Variants in PTDSS1 observed in about 807,000 individuals in gnomAD.
PTDSS1 encodes phosphatidylserine synthase 1, also known as PSS-1.
A neutral mutation model predicts 70.5 loss-of-function variants in PTDSS1; 45 were observed. The ratio of observed to expected loss-of-function variants is 0.64; its 90% CI spans 0.50 to 0.82. The LOEUF is 0.82. Among genes scored for constraint, PTDSS1 ranks in the 40% least tolerant of loss-of-function variants. The pLI, the probability that PTDSS1 is intolerant of heterozygous loss-of-function variation, is 0.00. For synonymous variants in PTDSS1, 188 were observed against 203.8 expected (o/e 0.92, Z 0.66); for missense variants, 417 against 586.1 (o/e 0.71, Z 2.98).
At chr8:96,276,652 A>G (rs990467124) in intron 2 of PTDSS1, among the ~76,000 whole-genome samples, 7 of 152,104 alleles carry the variant, frequency 4.6e-5, no homozygotes, top group African/African-American at 1.4e-4. Flanking sequence ...GTCATATCTC[A>G]TATTAGGTCC....
chr8:96,270,904 CTAATA>C (rs1442941473), intron 1 of PTDSS1, among the ~76,000 whole-genome samples: 1 of 152,142 alleles, frequency 6.6e-6, no homozygotes, highest in Non-Finnish European at 1.5e-5. Context: ...GTTTTACAAC[CTAATA>C]TATTACCCAT....
intron 7 of PTDSS1, 79 bp downstream of exon 7, chr8:96,304,260 T>A: frequency 1.4e-6 from 2 of 1,441,574 alleles, no homozygotes; most frequent in Non-Finnish European, 1.9e-6. Flanking sequence ...GAGTTAACAT[T>A]AGTTTACATT....
intron 1 of PTDSS1, among the ~76,000 whole-genome samples, chr8:96,269,556 A>G (rs1276765262): frequency 2.0e-5 from 3 of 152,184 alleles, no homozygotes; most frequent in Admixed American, 2.0e-4. Flanking sequence ...AGGAAGAGTC[A>G]AGATGAGGAT....
intron 9 of PTDSS1, among the ~76,000 whole-genome samples, chr8:96,319,161 G>C (rs1455353546): frequency 6.6e-6 from 1 of 151,794 alleles, no homozygotes; most frequent in Non-Finnish European, 1.5e-5. Context: ...TGATCCGCTC[G>C]CCTCAGCCTC....
At chr8:96,289,647 A>G (rs1586191498) in intron 4 of PTDSS1, among the ~76,000 whole-genome samples, 1 of 152,264 alleles carries the variant, frequency 6.6e-6, no homozygotes, top group South Asian at 2.1e-4. Flanking sequence ...TTTTTTTCTG[A>G]AAAGGAGAAC....
At chr8:96,295,795 ATTG>A (rs1325398863) in intron 5 of PTDSS1, among the ~76,000 whole-genome samples, 1 of 152,178 alleles carries the variant, frequency 6.6e-6, no homozygotes, top group Non-Finnish European at 1.5e-5. Flanking sequence ...CTAACTCATT[ATTG>A]TTCTATTATT....
chr8:96,296,115 T>G (rs1810971017), intron 5 of PTDSS1, among the ~76,000 whole-genome samples: 1 of 150,244 alleles, frequency 6.7e-6, no homozygotes, highest in African/African-American at 2.4e-5. Context: ...TGTGCGTGTC[T>G]GAGCCTTCAT....
At chr8:96,297,934 C>T (rs760787615) in intron 5 of PTDSS1, among the ~76,000 whole-genome samples, 37 of 152,186 alleles carry the variant, frequency 2.4e-4, no homozygotes, top group Non-Finnish European at 2.8e-4. Flanking sequence ...GAATGCAGCC[C>T]CCTCCTCCTT....
chr8:96,311,798 C>T (rs1273059895), intron 9 of PTDSS1, among the ~76,000 whole-genome samples: 2 of 152,192 alleles, frequency 1.3e-5, no homozygotes, highest in African/African-American at 4.8e-5. Flanking sequence ...ACACATCTCC[C>T]AGATTTCTGA....
chr8:96,304,284 A>G (rs1297627208), intron 7 of PTDSS1, 103 bp downstream of exon 7: 4 of 1,318,144 alleles, frequency 3.0e-6, no homozygotes, highest in South Asian at 1.5e-5. Flanking sequence ...TTTCAGCTCC[A>G]TACTTTACAA....
intron 4 of PTDSS1, among the ~76,000 whole-genome samples, chr8:96,293,873 G>T (rs1207630048): frequency 2.0e-5 from 3 of 150,302 alleles, no homozygotes; most frequent in Non-Finnish European, 4.4e-5. Flanking sequence ...ACGTGGCCCT[G>T]CTCCTTAACC....
intron 8 of PTDSS1, among the ~76,000 whole-genome samples, chr8:96,308,953 G>A (rs1248161159): frequency 6.6e-6 from 1 of 151,978 alleles, no homozygotes; most frequent in African/African-American, 2.4e-5. Flanking sequence ...AGATATAGCT[G>A]GGGTCCCATT....
chr8:96,286,958 G>T, intron 3 of PTDSS1, 64 bp from the exon 4 acceptor site: 1 of 1,591,312 alleles, frequency 6.3e-7, no homozygotes, highest in Non-Finnish European at 8.6e-7. Context: ...CGAGTCTAAT[G>T]TGTATTGTGT....
Position 96,299,737 on chromosome 8 carries a change from G to T in PTDSS1, c.644G>T (p.Trp215Leu). 6.2e-7 allele frequency: 1 copy of T among 1,614,008 alleles called. No homozygotes were observed. Residue 215 changes from tryptophan (W) to leucine (L), a missense_variant, in exon 6 of 13, where the codon TGG becomes TTG. Transcript: ENST00000517309. ...CTCCCCAATTTTGCCGAGTGCTGGTGGGATCAAGTCATTCTGGACATCCTG... is the reference window on the plus strand; with the variant it reads ...CTCCCCAATTTTGCCGAGTGCTGGTTGGATCAAGTCATTCTGGACATCCTG... ...HLLPNFAECW[W>L]DQVILDILLC...
intron 10 of PTDSS1, among the ~76,000 whole-genome samples, chr8:96,328,630 C>A (rs1811471304): frequency 6.6e-6 from 1 of 152,208 alleles, no homozygotes; most frequent in Non-Finnish European, 1.5e-5. Flanking sequence ...TTCCTGCTTC[C>A]ACGTAACTGG....
chr8:96,331,944 G>T (rs1314820386), intron 12 of PTDSS1, among the ~76,000 whole-genome samples: 2 of 146,224 alleles, frequency 1.4e-5, no homozygotes, highest in Non-Finnish European at 3.0e-5. Flanking sequence ...CAGCTAGTCA[G>T]GAGTCAGAGA....
Position 96,275,685 on chromosome 8 carries a change from C to G in PTDSS1, c.271+2295C>G, listed in dbSNP as rs114437176. Among the ~76,000 whole-genome samples the G allele has an allele frequency of 4.8e-3, 727 of 152,306 alleles. 2 individuals are homozygous for G. Among genetic ancestry groups the G allele is most frequent in the African/African-American group, 0.014 (583 of 41,558 alleles). ...TCTCAAAGCAAGGAAATGGCAAACT[C>G]TATCTCAGGTTACATACCAACGCAA... On this transcript the variant is annotated intron_variant, in intron 2 of 12. Transcript: ENST00000517309.
At chr8:96,321,638 G>A (rs544821600) in intron 10 of PTDSS1, among the ~76,000 whole-genome samples, 1 of 152,254 alleles carries the variant, frequency 6.6e-6, no homozygotes, top group African/African-American at 2.4e-5. Context: ...TCGGTAATTG[G>A]ATCTAGAGGC....
In PTDSS1 at chr8:96,287,074, C is replaced by T. The variant is rs536174142; in HGVS notation, c.369C>T (p.Phe123=). 70 of 1,613,930 alleles carry T rather than the reference C, an allele frequency of 4.3e-5. No homozygotes were observed. The highest frequency in any genetic ancestry group is 5.2e-5 in the Non-Finnish European group (61 of 1,179,804). Residue 123 remains phenylalanine (F), a synonymous_variant, in exon 4 of 13, where the codon TTC becomes TTT. Transcript: ENST00000517309. ...TGGTATTCCTACTCTTCCTGAATTT[C>T]GAGCAGGTTAAATCTCTAATGTATT... is the stretch of plus-strand genomic sequence containing the variant. ...LFLVFLLFLN[F]EQVKSLMYWL...
Sources: gnomAD v4.1 joint callset for allele counts (sites outside exome capture counted in the v4.1 genomes callset) on GRCh38, gnomAD v4.1.1 for gene constraint, MANE v1.5 for transcripts, NCBI Gene and HGNC (gene_info 2026-07-23, HGNC 2026-07-21) for gene names.